Variants in NLRC3 observed in about 807,000 individuals in gnomAD.
The protein encoded by NLRC3 is NLR family CARD domain-containing protein 3.
Under a neutral mutation model 91.6 loss-of-function variants are expected in NLRC3, and 87 were observed. The observed-to-expected ratio is 0.95, with a 90% confidence interval of 0.80 to 1.14. The LOEUF is 1.14. Among genes scored for constraint, NLRC3 ranks in the 50% most tolerant of loss-of-function variants. The probability of loss-of-function intolerance (pLI) is 0.00; values close to 1 mark genes in which losing one functional copy is unlikely to be tolerated. For missense variants in NLRC3, 1,577 were observed against 1,418.6 expected (o/e 1.11, Z -1.79); for synonymous variants, 694 against 625.3 (o/e 1.11, Z -1.64).
At position 3,561,664 on chromosome 16, in the gene NLRC3, A is replaced by C. The variant is rs147279562; in HGVS notation, c.2015+38T>G. Reference sequence around the variant, plus strand: ...GGAAGAGGGTTCCATACCCCACAAGACCATAGGCACCCTGGAGGTCCCCTG... The same window carrying C: ...GGAAGAGGGTTCCATACCCCACAAGCCCATAGGCACCCTGGAGGTCCCCTG... On this transcript the variant is annotated intron_variant, in intron 6 of 19. Transcript: ENST00000359128. 570 of 1,416,298 alleles carry C rather than the reference A, an allele frequency of 4.0e-4. 11 individuals are homozygous for C. The East Asian group carries it at 0.013, about 32-fold the overall frequency. The allele number at this position is 1,416,298 out of a possible 1,614,324, so 87.7% of individuals were successfully genotyped here.
intron 6 of NLRC3, among the ~76,000 whole-genome samples, chr16:3,560,676 C>T (rs1440030498): frequency 6.6e-6 from 1 of 152,144 alleles, no homozygotes; most frequent in Non-Finnish European, 1.5e-5. Flanking sequence ...CGGAGTCTCA[C>T]TCTGTCACCC....
rs778451139 is a variant in NLRC3, at chr16:3,543,431, A to C, written c.2933T>G (p.Ile978Ser). 42 of 1,609,626 alleles carry C rather than the reference A, an allele frequency of 2.6e-5. No homozygotes were observed. Among genetic ancestry groups the C allele is most frequent in the Admixed American group, 3.3e-5 (2 of 59,750 alleles). The change falls in exon 17 of 20, where the codon ATT (isoleucine) becomes AGT (serine). Residue 978 changes from isoleucine (I) to serine (S), a missense_variant. By Grantham distance (142) the Ile-to-Ser change is moderately radical. Transcript: ENST00000359128. Reference protein sequence around the residue: ...EALAVNRTLEILDLRGNAIGV... With the variant: ...EALAVNRTLESLDLRGNAIGV... ...TGGAGACTGGAATACTTACTCGAGA[A>C]TCTCCAAGGTTCTGTTCACAGCCAA...
At chr16:3,555,555 A>C (rs556920784) in intron 8 of NLRC3, among the ~76,000 whole-genome samples, 2 of 152,026 alleles carry the variant, frequency 1.3e-5, no homozygotes, top group African/African-American at 4.8e-5. Context: ...AATGCCACTG[A>C]ACTGTACACT....
rs1045703162 is a variant in NLRC3, at chr16:3,539,412, G to A, written c.*2413C>T. 1 of 152,254 alleles carries A rather than the reference G, an allele frequency of 6.6e-6. No homozygotes were observed. 9.4% of individuals were successfully genotyped at this position (152,254 alleles called of 1,614,324 possible). On this transcript the variant is annotated 3_prime_UTR_variant, in exon 20 of 20. Coordinates refer to ENST00000359128, the MANE Select transcript of NLRC3 (RefSeq NM_178844.4). ...TAGCTGGCTCTGGTGTGTGCCTGAC[G>A]ACAGACTGAACTCCTTAACCATTTC...
intron 14 of NLRC3, 70 bp downstream of exon 14, chr16:3,548,600 C>A: frequency 8.5e-7 from 1 of 1,171,456 alleles, no homozygotes. Flanking sequence ...GCCTGTGCAT[C>A]GTTGGTTTGG....
Position 3,549,692 on chromosome 16 carries a change from C to A in NLRC3, c.2519+5G>T, listed in dbSNP as rs748407374. The A allele has an allele frequency of 6.5e-7, 1 of 1,549,512 alleles. No individual in the cohort carries two copies. Among genetic ancestry groups the A allele is most frequent in the African/African-American group, 1.4e-5 (1 of 72,990 alleles). On this transcript the variant is annotated splice_donor_5th_base_variant and intron_variant, in intron 12 of 19. Transcript: ENST00000359128. Reference sequence around the variant, plus strand: ...CCCTGTTTGGAGAGGGTGGCCAGGACTTACCTGAGGCTGAGGAGGGTCTGG... The same window carrying A: ...CCCTGTTTGGAGAGGGTGGCCAGGAATTACCTGAGGCTGAGGAGGGTCTGG...
chr16:3,557,013 A>T lies in NLRC3; in HGVS notation c.2100-19T>A. The T allele has an allele frequency of 1.9e-6, 3 of 1,552,318 alleles. No homozygotes were observed. Among genetic ancestry groups the T allele is most frequent in the Non-Finnish European group, 2.7e-6 (3 of 1,123,786 alleles). On this transcript the variant is annotated intron_variant, in intron 7 of 19. Coordinates refer to ENST00000359128, the MANE Select transcript of NLRC3 (RefSeq NM_178844.4). ...GCGGAGGCTGAAGGAAGAGAGAAAGAGACACCTCCTTCATCTGTCTCCCAG... is the reference window on the plus strand; with the variant it reads ...GCGGAGGCTGAAGGAAGAGAGAAAGTGACACCTCCTTCATCTGTCTCCCAG...
At position 3,561,801 on chromosome 16, in the gene NLRC3, A is replaced by C; in HGVS notation, c.1929-13T>G. 6.2e-7 allele frequency: 1 copy of C among 1,606,312 alleles called. No individual in the cohort carries two copies. Among genetic ancestry groups the C allele is most frequent in the East Asian group, 2.2e-5 (1 of 44,792 alleles). ...GTTGGTGTCCAGCCTGGCCAAGGGG[A>C]GCAGTGACAGTGAGTGTCCCACCCG... On this transcript the variant is annotated splice_polypyrimidine_tract_variant and intron_variant, in intron 5 of 19. Coordinates refer to ENST00000359128, the MANE Select transcript of NLRC3 (RefSeq NM_178844.4).
At chr16:3,569,434 C>T (rs371837170) in intron 1 of NLRC3, among the ~76,000 whole-genome samples, 20 of 97,248 alleles carry the variant, frequency 2.1e-4, no homozygotes, top group South Asian at 7.9e-4. Context: ...GGTGGAGTCT[C>T]GCACTGTCAC....
At chr16:3,576,181 G>A (rs187443560) in intron 1 of NLRC3, among the ~76,000 whole-genome samples, 1 of 152,254 alleles carries the variant, frequency 6.6e-6, no homozygotes, top group Non-Finnish European at 1.5e-5. Flanking sequence ...GAGGGGTCCA[G>A]AAAAACACCA....
At chr16:3,546,866 A>G (rs1332160938) in intron 15 of NLRC3, among the ~76,000 whole-genome samples, 1 of 152,136 alleles carries the variant, frequency 6.6e-6, no homozygotes, top group Admixed American at 6.5e-5. Flanking sequence ...AGCGAAGATG[A>G]CATAGGACGA....
chr16:3,576,825 C>A (rs2040320189), intron 1 of NLRC3, among the ~76,000 whole-genome samples: 1 of 152,112 alleles, frequency 6.6e-6, no homozygotes, highest in South Asian at 2.1e-4. Flanking sequence ...TGCCAACATG[C>A]CTGGCTAATT....
chr16:3,556,940 C>G lies in NLRC3; in HGVS notation c.2154G>C (p.Leu718Phe). The G allele has an allele frequency of 4.3e-6, 7 of 1,613,822 alleles. No individual in the cohort carries two copies. Among genetic ancestry groups the G allele is most frequent in the Non-Finnish European group, 5.9e-6 (7 of 1,179,820 alleles). Residue 718 changes from leucine to phenylalanine, a missense_variant, in exon 8 of 20, where the codon TTG becomes TTC. Physicochemically the swap from Leu to Phe is conservative, Grantham distance 22. Coordinates refer to ENST00000359128, the MANE Select transcript of NLRC3 (RefSeq NM_178844.4). ...PQGAKALADA[L>F]KINRTLTSLS... is the part of the protein sequence containing the mutation. ...GGGAGGTCAGGGTGCGGTTGATCTT[C>G]AAAGCGTCTGCCAGCGCCTTGGCCC...
intron 16 of NLRC3, 48 bp downstream of exon 16, chr16:3,544,198 A>C: frequency 9.3e-7 from 1 of 1,077,420 alleles, no homozygotes; most frequent in Non-Finnish European, 1.4e-6. Context: ...ACGTGAAAGG[A>C]TGGCGAAGGG....
rs1481230120 is a variant in NLRC3 at position 3,565,368 on chromosome 16, C to T, written c.-74G>A. ...GAGTCACCTCTCTGCGCCTTGGTGTCTTCATTTGTGACCTGGAAATGATGA... is the reference window on the plus strand; with the variant it reads ...GAGTCACCTCTCTGCGCCTTGGTGTTTTCATTTGTGACCTGGAAATGATGA... On this transcript the variant is annotated 5_prime_UTR_variant, in exon 3 of 20. Coordinates refer to ENST00000359128, the MANE Select transcript of NLRC3 (RefSeq NM_178844.4). The T allele has an allele frequency of 3.8e-6, 2 of 524,808 alleles. No individual in the cohort carries two copies. Among genetic ancestry groups the T allele is most frequent in the African/African-American group, 4.0e-5 (2 of 49,706 alleles). 32.5% of individuals were successfully genotyped at this position (524,808 alleles called of 1,614,324 possible).
Position 3,577,358 on chromosome 16 carries a change from G to C in NLRC3, c.-378C>G, listed in dbSNP as rs184391670. On this transcript the variant is annotated 5_prime_UTR_variant, in exon 1 of 20. Transcript: ENST00000359128. ...TGGGGGCCGAGAGCAGTGCAGCCCC[G>C]ACCTTCTGCAGCCCCACCGAGCCCA... 1.7e-6 allele frequency: 1 copy of C among 587,546 alleles called. No homozygotes were observed. Among genetic ancestry groups the C allele is most frequent in the Non-Finnish European group, 3.0e-6 (1 of 329,766 alleles). 36.4% of individuals were successfully genotyped at this position (587,546 alleles called of 1,614,324 possible). A position where few individuals can be genotyped will look rare whatever the true frequency, so the allele number is the denominator to read the frequency against.
chr16:3,568,947 A>G (rs975816539), intron 1 of NLRC3, among the ~76,000 whole-genome samples: 21 of 152,190 alleles, frequency 1.4e-4, no homozygotes, highest in African/African-American at 4.8e-4. Flanking sequence ...ATTTTATTGC[A>G]TGTCTCATCA....
Position 3,570,534 on chromosome 16 carries a change from G to A in NLRC3, c.-168-3210C>T, listed in dbSNP as rs193276077. ...GCAGTTTCTGCTGGTGGTTAGTGCTGTGAGTGGAATAAACTGTGAGTGACA... is the reference window on the plus strand; with the variant it reads ...GCAGTTTCTGCTGGTGGTTAGTGCTATGAGTGGAATAAACTGTGAGTGACA... On this transcript the variant is annotated intron_variant, in intron 1 of 19. Transcript: ENST00000359128. Among the ~76,000 whole-genome samples, 22 of 152,272 alleles carry A rather than the reference G, an allele frequency of 1.4e-4. 1 individual carries two copies. In the East Asian group the frequency reaches 4.0e-3, roughly 28 times the overall value.
chr16:3,577,060 G>A (rs533318586), intron 1 of NLRC3, 89 bp downstream of exon 1: 2 of 701,956 alleles, frequency 2.8e-6, no homozygotes, highest in Admixed American at 4.0e-5. Context: ...CCTCCCCAGA[G>A]TAGCTCAGGC....
Sources: allele counts gnomAD v4.1 joint callset (sites outside exome capture counted in the v4.1 genomes callset), GRCh38; gene constraint gnomAD v4.1.1; transcripts MANE v1.5; gene names NCBI Gene and HGNC (gene_info 2026-07-23, HGNC 2026-07-21).